Variants in RRM2B observed in about 807,000 individuals in gnomAD.
RRM2B encodes ribonucleotide reductase regulatory TP53 inducible subunit M2B.
A neutral mutation model predicts 45.9 loss-of-function variants in RRM2B; 20 were observed. The ratio of observed to expected loss-of-function variants is 0.44; its 90% confidence interval spans 0.31 to 0.63. RRM2B has a LOEUF of 0.63. Among genes scored for constraint, RRM2B ranks in the 30% least tolerant of loss-of-function variants. RRM2B has a pLI of 0.09. For missense variants in RRM2B, 320 were observed against 414.7 expected, an observed-to-expected ratio of 0.77 and a Z score of 1.98; for synonymous variants, 124 against 132.3, an observed-to-expected ratio of 0.94 and a Z score of 0.43.
intron 1 of RRM2B, chr8:102,238,475 G>A: frequency 8.1e-7 from 1 of 1,232,706 alleles, no homozygotes; most frequent in South Asian, 1.4e-5. Context: ...CTCTTTCCTT[G>A]CCTCGGTTTC....
rs60624814 is a variant in RRM2B at position 102,207,943 on chromosome 8, A to G, written c.*190T>C. 910 of 552,814 alleles carry G rather than the reference A, an allele frequency of 1.6e-3. 5 individuals are homozygous for G. Among genetic ancestry groups the G allele is most frequent in the African/African-American group, 0.016 (822 of 52,806 alleles). 34.2% of individuals were successfully genotyped at this position (552,814 alleles called of 1,614,324 possible). A position where few individuals can be genotyped will look rare whatever the true frequency, so the allele number is the denominator to read the frequency against. On this transcript the variant is annotated 3_prime_UTR_variant, in exon 9 of 9. Coordinates refer to ENST00000251810, the MANE Select transcript of RRM2B (RefSeq NM_015713.5). ...TTTATTTCAGTGACAAGACAAAAGC[A>G]TTTAGGTCACACTCTTGTTGTTAAA...
chr8:102,209,992 G>C (rs1047655508), intron 8 of RRM2B, among the ~76,000 whole-genome samples: 45 of 152,332 alleles, frequency 3.0e-4, no homozygotes, highest in African/African-American at 1.0e-3. Flanking sequence ...GGTTGCCTAA[G>C]GCAAGGTGGG....
At chr8:102,232,937 G>C (rs191059320) in intron 1 of RRM2B, among the ~76,000 whole-genome samples, 1 of 152,290 alleles carries the variant, frequency 6.6e-6, no homozygotes, top group Non-Finnish European at 1.5e-5. Context: ...AAAGCTTTGT[G>C]AATAAAGTGA....
At chr8:102,219,018 T>C (rs1810782638) in intron 5 of RRM2B, 71 bp from the exon 6 acceptor site, 32 of 1,436,738 alleles carry the variant, frequency 2.2e-5, no homozygotes, top group Non-Finnish European at 3.1e-5. Flanking sequence ...TATACACATA[T>C]ATAACAATAA....
chr8:102,208,057 A>C lies in RRM2B; in HGVS notation c.*76T>G, dbSNP rs1347324619. On this transcript the variant is annotated 3_prime_UTR_variant, in exon 9 of 9. Transcript: ENST00000251810. Reference sequence around the variant, plus strand: ...CCAGTCCTTTAAAGGATATACTTAAAATTTTTTTTAAGCAGAGGAAAATAG... The same window carrying C: ...CCAGTCCTTTAAAGGATATACTTAACATTTTTTTTAAGCAGAGGAAAATAG... 7.6e-7 allele frequency: 1 copy of C among 1,314,018 alleles called. No homozygotes were observed. Among genetic ancestry groups the C allele is most frequent in the South Asian group, 1.3e-5 (1 of 79,698 alleles). 81.4% of individuals were successfully genotyped at this position (1,314,018 alleles called of 1,614,324 possible). A position where few individuals can be genotyped will look rare whatever the true frequency, so the allele number is the denominator to read the frequency against.
chr8:102,238,656 CG>C (rs1811170840), intron 1 of RRM2B, 170 bp downstream of exon 1: 1 of 1,537,014 alleles, frequency 6.5e-7, no homozygotes. Context: ...CCGCCCTCCC[CG>C]GGGACGGCCT....
chr8:102,223,615 G>C (rs1013108856), intron 5 of RRM2B, among the ~76,000 whole-genome samples: 7 of 145,124 alleles, frequency 4.8e-5, no homozygotes, highest in African/African-American at 1.8e-4. Context: ...AGAATTGCTT[G>C]AACTTGGAAG....
At chr8:102,209,608 T>G (rs1263098103) in intron 8 of RRM2B, among the ~76,000 whole-genome samples, 2 of 152,244 alleles carry the variant, frequency 1.3e-5, no homozygotes, top group Non-Finnish European at 2.9e-5. Flanking sequence ...AGTTACCATA[T>G]GATCCAGCAA....
chr8:102,237,709 T>C (rs1256430316), intron 1 of RRM2B, among the ~76,000 whole-genome samples: 1 of 152,240 alleles, frequency 6.6e-6, no homozygotes, highest in African/African-American at 2.4e-5. Flanking sequence ...GCCATTAGCA[T>C]AAACAGCAGT....
chr8:102,225,148 T>C, intron 3 of RRM2B, 130 bp from the exon 4 acceptor site: 3 of 848,484 alleles, frequency 3.5e-6, no homozygotes, highest in South Asian at 2.9e-5. Flanking sequence ...AGAAAGACCT[T>C]ATGGATTATT....
chr8:102,204,570 TG>T lies in RRM2B; in HGVS notation c.*3562del, dbSNP rs1810510301. ...AAAGAAACCTTCCTCAAAAAGGAAATGTACAAAATGATGAAGATACCATAGT... is the reference window on the plus strand; with the variant it reads ...AAAGAAACCTTCCTCAAAAAGGAAATTACAAAATGATGAAGATACCATAGT... On this transcript the variant is annotated 3_prime_UTR_variant, in exon 9 of 9. Transcript: ENST00000251810. The T allele has an allele frequency of 6.6e-6, 1 of 151,962 alleles. No individual in the cohort carries two copies. The highest frequency in any genetic ancestry group is 2.1e-4 in the South Asian group (1 of 4,828). 9.4% of individuals were successfully genotyped at this position (151,962 alleles called of 1,614,324 possible). A position where few individuals can be genotyped will look rare whatever the true frequency, so the allele number is the denominator to read the frequency against.
intron 8 of RRM2B, among the ~76,000 whole-genome samples, chr8:102,210,540 G>A (rs1406748588): frequency 3.9e-5 from 6 of 151,998 alleles, no homozygotes; most frequent in African/African-American, 1.5e-4. Context: ...TCGGCTCACT[G>A]CAACCTCTGC....
chr8:102,226,683 C>T (rs1810938170), intron 2 of RRM2B, among the ~76,000 whole-genome samples: 1 of 152,168 alleles, frequency 6.6e-6, no homozygotes, highest in Admixed American at 6.6e-5. Context: ...TCTACTTTTA[C>T]ATCCAGAAGT....
At chr8:102,224,457 A>G (rs1287408965) in intron 4 of RRM2B, among the ~76,000 whole-genome samples, 1 of 150,296 alleles carries the variant, frequency 6.7e-6, no homozygotes, top group East Asian at 1.9e-4. Context: ...TACAGCCATG[A>G]GCCACCATGC....
intron 1 of RRM2B, among the ~76,000 whole-genome samples, chr8:102,236,724 T>G (rs924815530): frequency 6.6e-6 from 1 of 152,174 alleles, no homozygotes; most frequent in African/African-American, 2.4e-5. Flanking sequence ...AGGTGTAAAG[T>G]GATGAGAATT....
intron 1 of RRM2B, among the ~76,000 whole-genome samples, chr8:102,236,956 T>C (rs924061165): frequency 4.6e-5 from 7 of 152,188 alleles, no homozygotes; most frequent in South Asian, 4.1e-4. Context: ...CCAGCCCCAA[T>C]TCCACCACTT....
chr8:102,221,984 C>T (rs1810844923), intron 5 of RRM2B, among the ~76,000 whole-genome samples: 1 of 152,146 alleles, frequency 6.6e-6, no homozygotes, highest in African/African-American at 2.4e-5. Flanking sequence ...GGGCCTCCTA[C>T]ATCAGTTTTG....
At chr8:102,237,042 G>C (rs1480013729) in intron 1 of RRM2B, among the ~76,000 whole-genome samples, 1 of 152,092 alleles carries the variant, frequency 6.6e-6, no homozygotes, top group African/African-American at 2.4e-5. Context: ...CTACTTGTAA[G>C]TATTATTTTC....
At chr8:102,237,475 A>C (rs1040123375) in intron 1 of RRM2B, among the ~76,000 whole-genome samples, 4 of 152,190 alleles carry the variant, frequency 2.6e-5, no homozygotes, top group Non-Finnish European at 4.4e-5. Flanking sequence ...TACATTTTTT[A>C]CAAAATACTC....
Sources: gnomAD v4.1 joint callset for allele counts (sites outside exome capture counted in the v4.1 genomes callset) on GRCh38, gnomAD v4.1.1 for gene constraint, MANE v1.5 for transcripts, NCBI Gene and HGNC (gene_info 2026-07-23, HGNC 2026-07-21) for gene names.